The following ABHD2 variants were observed in gnomAD, a reference collection of about 807,000 sequenced individuals.
ABHD2 encodes the protein monoacylglycerol lipase ABHD2.
A neutral mutation model predicts 48.1 loss-of-function variants in ABHD2; 20 were observed. The ratio of observed to expected loss-of-function variants is 0.42; its 90% CI spans 0.29 to 0.60. The LOEUF (loss-of-function observed/expected upper bound fraction) is 0.60. Among genes scored for constraint, ABHD2 ranks in the 20% least tolerant of loss-of-function variants. The probability of loss-of-function intolerance (pLI) is 0.24; values close to 1 mark genes in which losing one functional copy is unlikely to be tolerated. For synonymous variants in ABHD2, 209 were observed against 214.2 expected (o/e 0.98, Z 0.21); for missense variants, 405 against 550.9 (o/e 0.74, Z 2.65).
upstream of ABHD2, among the ~76,000 whole-genome samples, chr15:89,086,709 G>T (rs548011417): frequency 3.9e-5 from 6 of 152,292 alleles, no homozygotes; most frequent in African/African-American, 1.2e-4. Flanking sequence ...TCCATGTTTT[G>T]ATACATGTAT....
the ABHD2 span, among the ~76,000 whole-genome samples, chr15:89,048,258 C>T: frequency 4.6e-5 from 7 of 152,130 alleles, no homozygotes; most frequent in East Asian, 1.9e-4. Flanking sequence ...GAGTTTCTGC[C>T]GAGAGATCCG....
chr15:89,100,704 C>G lies in ABHD2; in HGVS notation c.-107+12141C>G, dbSNP rs2049688261. Among the ~76,000 whole-genome samples, 1 of 152,022 alleles carries G rather than the reference C, an allele frequency of 6.6e-6. No individual in the cohort carries two copies. The highest frequency in any genetic ancestry group is 2.4e-5 in the African/African-American group (1 of 41,382). ...CCAACATAGTGAAACCCTGTCTCTACTAAAAATACAAAAAATTAGCCAGGT... is the reference window on the plus strand; with the variant it reads ...CCAACATAGTGAAACCCTGTCTCTAGTAAAAATACAAAAAATTAGCCAGGT... On this transcript the variant is annotated intron_variant, in intron 1 of 10. Coordinates refer to ENST00000352732, the MANE Select transcript of ABHD2 (RefSeq NM_152924.5). The surrounding 1 kb of genome is among the most constrained non-coding windows in gnomAD (Gnocchi z 4.4).
At position 89,102,997 on chromosome 15, in the gene ABHD2, C is replaced by T. The variant is rs188190549; in HGVS notation, c.-106-10728C>T. Among the ~76,000 whole-genome samples, 33 of 152,292 alleles carry T rather than the reference C, an allele frequency of 2.2e-4. No individual in the cohort carries two copies. Among genetic ancestry groups the T allele is most frequent in the African/African-American group, 6.5e-4 (27 of 41,558 alleles). On this transcript the variant is annotated intron_variant, in intron 1 of 10. Transcript: ENST00000352732. The surrounding 1 kb of genome is among the most constrained non-coding windows in gnomAD (Gnocchi z 4.8). Reference sequence around the variant, plus strand: ...TAGTGGAGTGTTTGTGGTGGACGGACGGGAGAGAGGAACACTTGAGGGCAT... The same window carrying T: ...TAGTGGAGTGTTTGTGGTGGACGGATGGGAGAGAGGAACACTTGAGGGCAT...
the ABHD2 span, among the ~76,000 whole-genome samples, chr15:89,044,297 C>A: frequency 6.6e-6 from 1 of 152,178 alleles, no homozygotes; most frequent in Admixed American, 6.5e-5. Context: ...TTAATCCAGT[C>A]TATCATTGTT....
chr15:89,078,390 G>C, the ABHD2 span, among the ~76,000 whole-genome samples: 1 of 152,168 alleles, frequency 6.6e-6, no homozygotes, highest in Non-Finnish European at 1.5e-5. Flanking sequence ...AACTCACTAT[G>C]TCAAAGGGAA....
At chr15:89,048,908 A>ATTCTCCGTACAGC in the ABHD2 span, among the ~76,000 whole-genome samples, 1 of 122,356 alleles carries the variant, frequency 8.2e-6, no homozygotes, top group Non-Finnish European at 1.7e-5. Context: ...CGTCAAAGTC[A>ATTCTCCGTACAGC]TTTGTTCCGT....
chr15:89,098,664 C>T (rs138605499), intron 1 of ABHD2, among the ~76,000 whole-genome samples: 1 of 152,108 alleles, frequency 6.6e-6, no homozygotes, highest in South Asian at 2.1e-4. Context: ...ACAAATGTAC[C>T]CTTCTAAATA....
At chr15:89,190,557 G>C (rs1173737754) in intron 8 of ABHD2, among the ~76,000 whole-genome samples, 1 of 152,090 alleles carries the variant, frequency 6.6e-6, no homozygotes, top group African/African-American at 2.4e-5. Flanking sequence ...TTGAATTTCA[G>C]TTTCTCCATA....
chr15:89,152,574 T>A (rs1596122064), intron 4 of ABHD2, among the ~76,000 whole-genome samples: 1 of 152,294 alleles, frequency 6.6e-6, no homozygotes, highest in Non-Finnish European at 1.5e-5. Context: ...GTATTTACTA[T>A]CCCTACTTTA....
rs2050660379 is a variant in ABHD2 at position 89,155,611 on chromosome 15, T to G, written c.538+77T>G. 1.3e-6 allele frequency: 2 copies of G among 1,531,954 alleles called. No individual in the cohort carries two copies. Among genetic ancestry groups the G allele is most frequent in the Non-Finnish European group, 8.8e-7 (1 of 1,135,450 alleles). The allele number at this position is 1,531,954 out of a possible 1,614,324, so 94.9% of individuals were successfully genotyped here. A position where few individuals can be genotyped will look rare whatever the true frequency, so the allele number is the denominator to read the frequency against. ...TCTGCTTCTGCCTTGTTTTTTCTTT[T>G]TTTAAGTTTTAAACCTATGCCCATC... On this transcript the variant is annotated intron_variant, in intron 5 of 10. Coordinates refer to ENST00000352732, the MANE Select transcript of ABHD2 (RefSeq NM_152924.5). The surrounding 1 kb of genome is among the most constrained non-coding windows in gnomAD (Gnocchi z 4.9).
Position 89,177,079 on chromosome 15 carries a change from G to T in ABHD2, c.722+1084G>T, listed in dbSNP as rs1421933446. Among the ~76,000 whole-genome samples, 1 of 152,174 alleles carries T rather than the reference G, an allele frequency of 6.6e-6. No individual in the cohort carries two copies. Among genetic ancestry groups the T allele is most frequent in the Non-Finnish European group, 1.5e-5 (1 of 68,040 alleles). On this transcript the variant is annotated intron_variant, in intron 6 of 10. Transcript: ENST00000352732. This position sits in a 1 kb window ranked among gnomAD's most constrained non-coding sequence, Gnocchi z 5.6. ...TGAGGCTTAAAGCTGGCTGAAAAAG[G>T]TGATCTAAATGTACCCACGATAGAC... is the stretch of plus-strand genomic sequence containing the variant.
At chr15:89,138,630 T>G (rs1297525809) in intron 3 of ABHD2, among the ~76,000 whole-genome samples, 2 of 152,222 alleles carry the variant, frequency 1.3e-5, no homozygotes, top group African/African-American at 4.8e-5. Flanking sequence ...AGAAATGTTT[T>G]TTTTCAAAGA....
chr15:89,071,056 C>G, the ABHD2 span, among the ~76,000 whole-genome samples: 1 of 152,038 alleles, frequency 6.6e-6, no homozygotes, highest in Non-Finnish European at 1.5e-5. Flanking sequence ...TTGCTGAACC[C>G]TAATTAACCT....
At position 89,155,336 on chromosome 15, in the gene ABHD2, A is replaced by G. The variant is rs748891624; in HGVS notation, c.371-31A>G. 6 of 1,594,980 alleles carry G rather than the reference A, an allele frequency of 3.8e-6. No homozygotes were observed. The South Asian group carries it at 5.6e-5, about 15-fold the overall frequency. ...CCATTTATCATGTCACATTTCTTGG[A>G]TACATCAGGATCTCTTTCTCTACGC... On this transcript the variant is annotated intron_variant, in intron 4 of 10. Coordinates refer to ENST00000352732, the MANE Select transcript of ABHD2 (RefSeq NM_152924.5). The surrounding 1 kb of genome is among the most constrained non-coding windows in gnomAD (Gnocchi z 4.9).
Position 89,184,754 on chromosome 15 carries a change from GC to G in ABHD2, c.723-667del, listed in dbSNP as rs1193818945. On this transcript the variant is annotated intron_variant, in intron 6 of 10. Coordinates refer to ENST00000352732, the MANE Select transcript of ABHD2 (RefSeq NM_152924.5). The surrounding 1 kb of genome is among the most constrained non-coding windows in gnomAD (Gnocchi z 5.1). ...GCCGCCATTGAAGGGTCAGAGTGTG[GC>G]CCTCACAGCCACACACTAGTGTGCC... 6.6e-6 allele frequency among the ~76,000 whole-genome samples: 1 copy of G among 152,134 alleles called. No homozygotes were observed. The highest frequency in any genetic ancestry group is 1.5e-5 in the Non-Finnish European group (1 of 68,014).
chr15:89,043,138 G>A, the ABHD2 span, among the ~76,000 whole-genome samples: 2,362 of 152,300 alleles, frequency 0.016, 54 homozygotes, highest in African/African-American at 0.053. Context: ...GAGTAGCTAG[G>A]AAAAGGTAAC....
chr15:89,073,012 T>C, the ABHD2 span, among the ~76,000 whole-genome samples: 1 of 152,206 alleles, frequency 6.6e-6, no homozygotes, highest in Non-Finnish European at 1.5e-5. Context: ...CACACAATAT[T>C]TGAGACATAC....
chr15:89,126,948 C>A (rs966571740), intron 3 of ABHD2, among the ~76,000 whole-genome samples: 1 of 152,110 alleles, frequency 6.6e-6, no homozygotes, highest in South Asian at 2.1e-4. Flanking sequence ...AGGAAATCTA[C>A]CCCTCCATGA....
chr15:89,101,494 A>G (rs1217163253), intron 1 of ABHD2, among the ~76,000 whole-genome samples: 1 of 152,220 alleles, frequency 6.6e-6, no homozygotes, highest in Non-Finnish European at 1.5e-5. Context: ...GAGAACCACA[A>G]TGATAATGCT....
Sources: allele counts gnomAD v4.1 joint callset (sites outside exome capture counted in the v4.1 genomes callset), GRCh38; gene constraint gnomAD v4.1.1; non-coding constraint Gnocchi (gnomAD v3.1); transcripts MANE v1.5; gene names NCBI Gene and HGNC (gene_info 2026-07-23, HGNC 2026-07-21).